The following DIP2C variants were observed in gnomAD, a reference collection of about 807,000 sequenced individuals.
The protein encoded by DIP2C is DIP2 acetate--CoA ligase C (putative), also known as disco-interacting protein 2 homolog C.
A neutral mutation model predicts 192.4 loss-of-function variants in DIP2C; 33 were observed. The observed-to-expected ratio is 0.17, with a 90% CI of 0.13 to 0.23. The LOEUF (loss-of-function observed/expected upper bound fraction) is 0.23, where lower values mean the gene tolerates loss of function less well. Among genes scored for constraint, DIP2C ranks in the 10% least tolerant of loss-of-function variants. DIP2C has a pLI of 1.00. For missense variants in DIP2C, 1,537 were observed against 2,110.1 expected (o/e 0.73, Z 5.32); for synonymous variants, 979 against 864.1 (o/e 1.13, Z -2.33).
At position 390,309 on chromosome 10, in the gene DIP2C, C is replaced by G; in HGVS notation, c.1449G>C (p.Trp483Cys). 1.2e-6 allele frequency: 2 copies of G among 1,613,942 alleles called. No homozygotes were observed. Among genetic ancestry groups the G allele is most frequent in the South Asian group, 2.2e-5 (2 of 91,050 alleles). ...SKHLSKPPRD[W>C]FPHIKDANND... ...TATTGGCATCTTTAATGTGTGGGAA[C>G]CAGTCTCGGGGCGGTTTGGAGAGAT... is the stretch of plus-strand genomic sequence containing the variant. Residue 483 changes from tryptophan (W) to cysteine (C), a missense_variant, in exon 12 of 37, where the codon TGG becomes TGC. Coordinates refer to ENST00000280886, the MANE Select transcript of DIP2C (RefSeq NM_014974.3).
At position 326,938 on chromosome 10, in the gene DIP2C, C is replaced by T; in HGVS notation, c.3924+68G>A. 13 of 1,524,684 alleles carry T rather than the reference C, an allele frequency of 8.5e-6. No homozygotes were observed. The South Asian group carries it at 1.4e-4, about 17-fold the overall frequency. The allele number at this position is 1,524,684 out of a possible 1,614,324, so 94.4% of individuals were successfully genotyped here. ...ATCAGCCGAGGGAGACGAGTGGAGCCAGTCTGTGCTGTACCCACCCCGGGA... is the reference window on the plus strand; with the variant it reads ...ATCAGCCGAGGGAGACGAGTGGAGCTAGTCTGTGCTGTACCCACCCCGGGA... On this transcript the variant is annotated intron_variant, in intron 31 of 36. Coordinates refer to ENST00000280886, the MANE Select transcript of DIP2C (RefSeq NM_014974.3).
intron 1 of DIP2C, among the ~76,000 whole-genome samples, chr10:596,188 T>G (rs969044177): frequency 6.6e-6 from 1 of 152,088 alleles, no homozygotes; most frequent in African/African-American, 2.4e-5. Context: ...ACCTAAGTAT[T>G]GAACAAGCCC....
At chr10:443,802 C>T (rs1387693719) in intron 3 of DIP2C, among the ~76,000 whole-genome samples, 1 of 152,186 alleles carries the variant, frequency 6.6e-6, no homozygotes. Flanking sequence ...GAAATGCTTT[C>T]AGAATTGCTA....
chr10:408,157 G>A (rs1020300520), intron 9 of DIP2C, among the ~76,000 whole-genome samples: 1 of 150,356 alleles, frequency 6.7e-6, no homozygotes, highest in African/African-American at 2.5e-5. Context: ...TCATTCTCTT[G>A]CAGGTGGATG....
intron 1 of DIP2C, among the ~76,000 whole-genome samples, chr10:538,973 G>T (rs1005867564): frequency 6.7e-6 from 1 of 148,788 alleles, no homozygotes; most frequent in Non-Finnish European, 1.5e-5. Flanking sequence ...TGTGTTCTGT[G>T]AATCTGCTGT....
intron 6 of DIP2C, among the ~76,000 whole-genome samples, chr10:417,936 T>G (rs1481852043): frequency 1.0e-4 from 10 of 97,742 alleles, no homozygotes; most frequent in South Asian, 3.7e-4. Context: ...CTGTCAGGGC[T>G]TCGATAGGCC....
chr10:503,219 A>G (rs1203610241), intron 1 of DIP2C, among the ~76,000 whole-genome samples: 1 of 152,228 alleles, frequency 6.6e-6, no homozygotes. Flanking sequence ...TCCCGCCAGG[A>G]CACCGACCTG....
At chr10:390,680 C>CG (rs1174080563) in intron 11 of DIP2C, 60 bp downstream of exon 11, 2 of 1,575,474 alleles carry the variant, frequency 1.3e-6, no homozygotes, top group East Asian at 2.2e-5. Flanking sequence ...GACGTATTCC[C>CG]GCACCCGTCT....
intron 3 of DIP2C, among the ~76,000 whole-genome samples, chr10:471,299 C>G (rs554667863): frequency 1.3e-5 from 2 of 152,200 alleles, no homozygotes; most frequent in South Asian, 4.1e-4. Flanking sequence ...GGAGCAGAGC[C>G]AGGAGGCCAG....
intron 3 of DIP2C, among the ~76,000 whole-genome samples, chr10:448,407 C>T (rs1968504537): frequency 7.0e-6 from 1 of 143,570 alleles, no homozygotes; most frequent in Non-Finnish European, 1.5e-5. Flanking sequence ...GGCAGCAGGA[C>T]CCACTCACCC....
chr10:423,919 C>A (rs1289726688), intron 4 of DIP2C, among the ~76,000 whole-genome samples: 1 of 152,208 alleles, frequency 6.6e-6, no homozygotes, highest in Non-Finnish European at 1.5e-5. Flanking sequence ...GTTTCTTATA[C>A]ATTCTCATTA....
In DIP2C at chr10:356,441, C is replaced by A. The variant is rs140017969; in HGVS notation, c.2970G>T (p.Thr990=). 1.4e-5 allele frequency: 23 copies of A among 1,611,770 alleles called. No individual in the cohort carries two copies. In the South Asian group the frequency reaches 2.4e-4, roughly 17 times the overall value. Residue 990 remains threonine (T), a synonymous_variant, in exon 24 of 37, where the codon ACG becomes ACT. Coordinates refer to ENST00000280886, the MANE Select transcript of DIP2C (RefSeq NM_014974.3). ...AQTTPDHILY[T]LLNCRGAIAN... is the part of the protein sequence containing the mutation. ...CGCGCCTCACCCGACAGTTGAGCAG[C>A]GTGTAGAGGATGTGGTCCGGGGTGG...
rs1252214783 is a variant in DIP2C, at chr10:276,350, G to A, written c.*975C>T. 2.6e-5 allele frequency: 4 copies of A among 152,778 alleles called. No individual in the cohort carries two copies. Among genetic ancestry groups the A allele is most frequent in the Non-Finnish European group, 2.9e-5 (2 of 68,034 alleles). 9.5% of individuals were successfully genotyped at this position (152,778 alleles called of 1,614,324 possible). A position where few individuals can be genotyped will look rare whatever the true frequency, so the allele number is the denominator to read the frequency against. ...GACAGGGCTCCTGCGGTCTGCGACTGCTGGCAACAGCAGAGTGTATGTGAG... is the reference window on the plus strand; with the variant it reads ...GACAGGGCTCCTGCGGTCTGCGACTACTGGCAACAGCAGAGTGTATGTGAG... On this transcript the variant is annotated 3_prime_UTR_variant, in exon 37 of 37. Coordinates refer to ENST00000280886, the MANE Select transcript of DIP2C (RefSeq NM_014974.3).
intron 8 of DIP2C, among the ~76,000 whole-genome samples, chr10:411,472 C>T (rs1965181862): frequency 1.3e-5 from 2 of 152,246 alleles, no homozygotes; most frequent in African/African-American, 4.8e-5. Flanking sequence ...GTTACTGATC[C>T]CAAGTTTATC....
At chr10:334,304 CAAAAAAAA>C (rs35031456) in intron 29 of DIP2C, among the ~76,000 whole-genome samples, 77 of 82,408 alleles carry the variant, frequency 9.3e-4, no homozygotes, top group Admixed American at 4.8e-3. Flanking sequence ...AAGACTGTCT[CAAAAAAAA>C]AAAAAAAAAA....
chr10:508,173 G>A (rs963658372), intron 1 of DIP2C, among the ~76,000 whole-genome samples: 3 of 152,110 alleles, frequency 2.0e-5, no homozygotes, highest in Admixed American at 6.5e-5. Context: ...TCACCACCGC[G>A]ATTCAGTCAC....
At chr10:491,399 A>C (rs988431132) in intron 1 of DIP2C, among the ~76,000 whole-genome samples, 7 of 152,194 alleles carry the variant, frequency 4.6e-5, no homozygotes, top group African/African-American at 1.4e-4. Flanking sequence ...TGCTGCTCTG[A>C]GCCTATTGCT....
intron 3 of DIP2C, among the ~76,000 whole-genome samples, chr10:459,047 C>A (rs1159647673): frequency 6.6e-6 from 1 of 150,808 alleles, no homozygotes; most frequent in East Asian, 1.9e-4. Context: ...AACTCTTTGA[C>A]CCAAAGAGCA....
chr10:300,225 C>A (rs1427269262), intron 32 of DIP2C, among the ~76,000 whole-genome samples: 1 of 152,170 alleles, frequency 6.6e-6, no homozygotes, highest in African/African-American at 2.4e-5. Context: ...CACAGCAGCC[C>A]AAAGGTGGAA....
Sources: allele counts gnomAD v4.1 joint callset (sites outside exome capture counted in the v4.1 genomes callset), GRCh38; gene constraint gnomAD v4.1.1; transcripts MANE v1.5; gene names NCBI Gene and HGNC (gene_info 2026-07-23, HGNC 2026-07-21).